Variants in WASHC4 observed in about 807,000 individuals in gnomAD.
WASHC4 encodes WASH complex subunit 7.
A neutral mutation model predicts 166.6 loss-of-function variants in WASHC4; 86 were observed. That is an observed-to-expected ratio of 0.52 (90% CI 0.43 to 0.62). WASHC4 has a LOEUF of 0.62. Ranked by LOEUF, WASHC4 falls within the 20% of genes least tolerant of loss-of-function variation. The pLI, the probability that WASHC4 is intolerant of heterozygous loss-of-function variation, is 0.00. For missense variants in WASHC4, 1,262 were observed against 1,382.4 expected (o/e 0.91, Z 1.38); for synonymous variants, 446 against 451.6 (o/e 0.99, Z 0.16).
intron 28 of WASHC4, among the ~76,000 whole-genome samples, chr12:105,157,541 G>C (rs1463092489): frequency 1.3e-5 from 2 of 152,128 alleles, no homozygotes; most frequent in Admixed American, 1.3e-4. Context: ...CATGGCTCTT[G>C]AGCACCTAAA....
chr12:105,163,246 C>T (rs909249075), intron 30 of WASHC4, among the ~76,000 whole-genome samples: 1 of 152,196 alleles, frequency 6.6e-6, no homozygotes, highest in Admixed American at 6.5e-5. Flanking sequence ...GCATGAGCCA[C>T]CATGCCCGGC....
Position 105,109,049 on chromosome 12 carries a change from T to C in WASHC4, c.61+1188T>C, listed in dbSNP as rs140434836. On this transcript the variant is annotated intron_variant, in intron 1 of 32. Transcript: ENST00000332180. ...TACTTGGGAGGCTGAGGCAGGAGAA[T>C]CGCTTGAACCCGGCAGGCGGAGGTT... 2.1e-3 allele frequency among the ~76,000 whole-genome samples: 318 copies of C among 152,238 alleles called. 13 individuals are homozygous for C. In the East Asian group the frequency reaches 0.051, roughly 24 times the overall value.
Position 105,167,009 on chromosome 12 carries a change from T to C in WASHC4, c.*78T>C. 1.1e-6 allele frequency: 1 copy of C among 931,226 alleles called. No individual in the cohort carries two copies. Among genetic ancestry groups the C allele is most frequent in the Non-Finnish European group, 1.8e-6 (1 of 569,796 alleles). The allele number at this position is 931,226 out of a possible 1,614,324, so 57.7% of individuals were successfully genotyped here. A position where few individuals can be genotyped will look rare whatever the true frequency, so the allele number is the denominator to read the frequency against. On this transcript the variant is annotated 3_prime_UTR_variant, in exon 33 of 33. Transcript: ENST00000332180. ...TTTGCCAGTGGAATGGATAAACTAT[T>C]GATGAATTGTTTCCTGGGTCACATC...
chr12:105,141,314 T>G, intron 18 of WASHC4, 68 bp downstream of exon 18: 1 of 1,097,150 alleles, frequency 9.1e-7, no homozygotes, highest in Admixed American at 1.7e-5. Context: ...ATTTTCTTTT[T>G]AGCATAGCAA....
intron 26 of WASHC4, among the ~76,000 whole-genome samples, chr12:105,155,850 G>GAAA: frequency 6.6e-6 from 1 of 151,948 alleles, no homozygotes; most frequent in Non-Finnish European, 1.5e-5. Flanking sequence ...TCAAAAAAAA[G>GAAA]AAAAAGCACT....
intron 24 of WASHC4, 157 bp downstream of exon 24, chr12:105,147,303 C>A: frequency 1.6e-6 from 1 of 638,356 alleles, no homozygotes; most frequent in Non-Finnish European, 2.8e-6. Context: ...ATGTCTGGTC[C>A]TAAAATTGTG....
chr12:105,140,272 A>C, intron 15 of WASHC4, 22 bp from the exon 16 acceptor site: 1 of 1,568,936 alleles, frequency 6.4e-7, no homozygotes, highest in South Asian at 1.1e-5. Flanking sequence ...ATTGTCAGAA[A>C]ATTATTTCTG....
At chr12:105,159,941 G>T in intron 28 of WASHC4, 60 bp from the exon 29 acceptor site, 1 of 1,484,944 alleles carries the variant, frequency 6.7e-7, no homozygotes, top group Non-Finnish European at 9.4e-7. Context: ...TTGAGAGATG[G>T]ATTTTTTTCA....
chr12:105,130,690 A>G (rs1881717655), intron 13 of WASHC4, among the ~76,000 whole-genome samples: 1 of 135,370 alleles, frequency 7.4e-6, no homozygotes, highest in South Asian at 2.7e-4. Context: ...AATGGAGAGC[A>G]ATGAGCAACA....
intron 4 of WASHC4, 55 bp downstream of exon 4, chr12:105,114,482 A>G (rs1879986473): frequency 1.8e-6 from 2 of 1,107,400 alleles, no homozygotes; most frequent in Non-Finnish European, 1.3e-6. Context: ...AGAAGCAAGT[A>G]TGTGTTTATA....
chr12:105,144,200 G>A, intron 20 of WASHC4, 87 bp from the exon 21 acceptor site: 2 of 1,133,664 alleles, frequency 1.8e-6, no homozygotes, highest in Non-Finnish European at 1.3e-6. Flanking sequence ...AAAACTATTG[G>A]TTTAAAATGG....
At chr12:105,129,906 G>A (rs564214575) in intron 13 of WASHC4, among the ~76,000 whole-genome samples, 17 of 152,288 alleles carry the variant, frequency 1.1e-4, no homozygotes, top group East Asian at 7.7e-4. Context: ...GTTCCATAAA[G>A]CATGTAACAG....
intron 24 of WASHC4, chr12:105,149,309 T>G: frequency 4.1e-6 from 4 of 985,320 alleles, no homozygotes; most frequent in Non-Finnish European, 4.8e-6. Context: ...AAAACTAGAG[T>G]CTTGAGTCTG....
intron 7 of WASHC4, 141 bp from the exon 8 acceptor site, chr12:105,120,414 C>T (rs924157478): frequency 1.8e-5 from 11 of 608,040 alleles, no homozygotes; most frequent in Non-Finnish European, 3.3e-5. Context: ...GGACTTGACG[C>T]TCTTAAATTT....
intron 13 of WASHC4, among the ~76,000 whole-genome samples, chr12:105,133,269 G>A (rs1327068378): frequency 2.0e-5 from 3 of 152,040 alleles, no homozygotes; most frequent in Non-Finnish European, 2.9e-5. Flanking sequence ...AGGATTTTGC[G>A]TTTGTCTTTC....
chr12:105,125,680 T>G (rs2135750346), intron 10 of WASHC4, among the ~76,000 whole-genome samples: 1 of 152,260 alleles, frequency 6.6e-6, no homozygotes, highest in South Asian at 2.1e-4. Context: ...ATTCTACTCT[T>G]AAAAGTGCAA....
At chr12:105,115,937 C>T (rs1880139546) in intron 6 of WASHC4, among the ~76,000 whole-genome samples, 1 of 152,038 alleles carries the variant, frequency 6.6e-6, no homozygotes, top group African/African-American at 2.4e-5. Flanking sequence ...AAATAAGTTT[C>T]TTTGTGTATA....
chr12:105,165,870 T>C (rs1884780556), intron 32 of WASHC4, among the ~76,000 whole-genome samples: 1 of 152,140 alleles, frequency 6.6e-6, no homozygotes, highest in Non-Finnish European at 1.5e-5. Flanking sequence ...TAAATGAAAA[T>C]TTATACATAC....
intron 18 of WASHC4, 69 bp from the exon 19 acceptor site, chr12:105,142,384 T>C (rs1433257412): frequency 1.1e-6 from 1 of 875,468 alleles, no homozygotes; most frequent in Non-Finnish European, 1.9e-6. Context: ...CTGTAGTAGA[T>C]GTCATTCCTT....
Sources: gnomAD v4.1 joint callset for allele counts (sites outside exome capture counted in the v4.1 genomes callset) on GRCh38, gnomAD v4.1.1 for gene constraint, MANE v1.5 for transcripts, NCBI Gene and HGNC (gene_info 2026-07-23, HGNC 2026-07-21) for gene names.